Variants in UBASH3B observed in about 807,000 individuals in gnomAD.
UBASH3B encodes ubiquitin-associated and SH3 domain-containing protein B.
In UBASH3B, 37 loss-of-function variants were observed where a neutral mutation model predicts 83.4. The observed-to-expected ratio is 0.44, with a 90% CI of 0.34 to 0.58. The LOEUF is 0.58. Among genes scored for constraint, UBASH3B ranks in the 20% least tolerant of loss-of-function variants. The pLI is 0.01. For missense variants in UBASH3B, 657 were observed against 827.2 expected, an observed-to-expected ratio of 0.79 and a Z score of 2.52; for synonymous variants, 304 against 318.3, an observed-to-expected ratio of 0.96 and a Z score of 0.48.
intron 1 of UBASH3B, among the ~76,000 whole-genome samples, chr11:122,710,212 A>C (rs1017027686): frequency 6.6e-6 from 1 of 152,024 alleles, no homozygotes; most frequent in African/African-American, 2.4e-5. Context: ...ATAATAAACA[A>C]CATGGTCTAG....
intron 1 of UBASH3B, among the ~76,000 whole-genome samples, chr11:122,721,109 G>A (rs956660574): frequency 7.2e-5 from 11 of 152,046 alleles, no homozygotes; most frequent in African/African-American, 1.4e-4. Context: ...GCCAGGCGTG[G>A]TGGCGTGTGC....
intron 1 of UBASH3B, among the ~76,000 whole-genome samples, chr11:122,702,770 C>T (rs1296734771): frequency 6.6e-6 from 1 of 152,048 alleles, no homozygotes; most frequent in Non-Finnish European, 1.5e-5. Flanking sequence ...GGTGATCCAC[C>T]CGCCTCGGCC....
intron 1 of UBASH3B, among the ~76,000 whole-genome samples, chr11:122,754,119 G>A (rs987437269): frequency 1.3e-5 from 2 of 152,150 alleles, no homozygotes; most frequent in Non-Finnish European, 2.9e-5. Context: ...GCCGCTGCAC[G>A]TCTAATGGAA....
chr11:122,730,590 TC>T (rs567367076), intron 1 of UBASH3B, among the ~76,000 whole-genome samples: 1 of 137,570 alleles, frequency 7.3e-6, no homozygotes, highest in Non-Finnish European at 1.7e-5. Flanking sequence ...ATATTTGGAT[TC>T]TTTTTTTTTT....
At chr11:122,775,046 A>G (rs1860709725) in intron 1 of UBASH3B, among the ~76,000 whole-genome samples, 1 of 152,226 alleles carries the variant, frequency 6.6e-6, no homozygotes, top group Admixed American at 6.5e-5. Flanking sequence ...TGTATAATTA[A>G]TATTTACATG....
intron 1 of UBASH3B, among the ~76,000 whole-genome samples, chr11:122,667,014 A>G (rs917566496): frequency 1.3e-5 from 2 of 149,986 alleles, no homozygotes; most frequent in African/African-American, 4.9e-5. Flanking sequence ...TTTCTCCATG[A>G]CAAATCCCCT....
intron 1 of UBASH3B, among the ~76,000 whole-genome samples, chr11:122,761,721 C>G (rs962442239): frequency 6.8e-6 from 1 of 148,054 alleles, no homozygotes; most frequent in South Asian, 2.1e-4. Flanking sequence ...AACAGCTAGT[C>G]TCTGTTGTCA....
chr11:122,776,188 T>G, intron 1 of UBASH3B, 31 bp from the exon 2 acceptor site: 1 of 1,607,692 alleles, frequency 6.2e-7, no homozygotes, highest in Non-Finnish European at 8.5e-7. Flanking sequence ...GCTAAAAATA[T>G]TAACAATAGA....
chr11:122,784,698 G>C lies in UBASH3B; in HGVS notation c.771+1476G>C, dbSNP rs932575346. ...AAAACAGTTAGAACCCCAGGGCTGG[G>C]AGCAGGCAAGCTCATTGTTTTGGAA... On this transcript the variant is annotated intron_variant, in intron 5 of 13. Transcript: ENST00000284273. Among the ~76,000 whole-genome samples the C allele has an allele frequency of 5.3e-5, 8 of 152,304 alleles. No individual in the cohort carries two copies. In the East Asian group the frequency reaches 5.8e-4, roughly 11 times the overall value.
At chr11:122,776,121 C>A (rs1206919509) in intron 1 of UBASH3B, 98 bp from the exon 2 acceptor site, 1 of 1,107,334 alleles carries the variant, frequency 9.0e-7, no homozygotes, top group East Asian at 2.6e-5. Context: ...TTGAGTGGAA[C>A]ACAGGCTTTG....
At chr11:122,789,440 G>T (rs1861013408) in intron 6 of UBASH3B, 132 bp downstream of exon 6, 3 of 985,358 alleles carry the variant, frequency 3.0e-6, no homozygotes, top group East Asian at 2.5e-5. Flanking sequence ...TCCAGGAAAG[G>T]AGCTGATTTG....
At chr11:122,700,590 G>T (rs938506712) in intron 1 of UBASH3B, among the ~76,000 whole-genome samples, 1 of 140,262 alleles carries the variant, frequency 7.1e-6, no homozygotes, top group Non-Finnish European at 1.5e-5. Flanking sequence ...TCCACCTCCC[G>T]GGTTCAAACA....
intron 1 of UBASH3B, among the ~76,000 whole-genome samples, chr11:122,716,437 A>C (rs1218092278): frequency 6.6e-6 from 1 of 152,178 alleles, no homozygotes; most frequent in Non-Finnish European, 1.5e-5. Flanking sequence ...GAATTGTGTC[A>C]GATTGTAGTA....
At chr11:122,668,064 C>G (rs2135896998) in intron 1 of UBASH3B, among the ~76,000 whole-genome samples, 1 of 152,310 alleles carries the variant, frequency 6.6e-6, no homozygotes, top group East Asian at 1.9e-4. Context: ...CAGCTCACTG[C>G]AACCTCTGCC....
At chr11:122,733,719 A>G (rs773288695) in intron 1 of UBASH3B, among the ~76,000 whole-genome samples, 2 of 152,254 alleles carry the variant, frequency 1.3e-5, no homozygotes, top group Non-Finnish European at 2.9e-5. Context: ...ATAAGAGTAT[A>G]TGATAATAGA....
At chr11:122,735,559 G>GCCCTGT (rs1193906671) in intron 1 of UBASH3B, among the ~76,000 whole-genome samples, 1 of 152,190 alleles carries the variant, frequency 6.6e-6, no homozygotes, top group African/African-American at 2.4e-5. Context: ...AAAAGACATT[G>GCCCTGT]CCCTGTCCTC....
chr11:122,788,403 T>A (rs1860992009), intron 5 of UBASH3B, among the ~76,000 whole-genome samples: 1 of 152,054 alleles, frequency 6.6e-6, no homozygotes, highest in Admixed American at 6.6e-5. Flanking sequence ...ACCCTGTCTC[T>A]ACTAAAAATA....
chr11:122,734,961 C>A (rs749114986), intron 1 of UBASH3B, among the ~76,000 whole-genome samples: 2 of 152,132 alleles, frequency 1.3e-5, no homozygotes, highest in Non-Finnish European at 1.5e-5. Flanking sequence ...TGTTTCCTAG[C>A]AAACTTTATA....
chr11:122,665,485 C>T (rs949932019), intron 1 of UBASH3B, among the ~76,000 whole-genome samples: 1 of 152,224 alleles, frequency 6.6e-6, no homozygotes, highest in Non-Finnish European at 1.5e-5. Context: ...TGAGCCCCTG[C>T]GCCCAGCCTG....
Sources: gnomAD v4.1 joint callset for allele counts (sites outside exome capture counted in the v4.1 genomes callset) on GRCh38, gnomAD v4.1.1 for gene constraint, MANE v1.5 for transcripts, NCBI Gene and HGNC (gene_info 2026-07-23, HGNC 2026-07-21) for gene names.